Variants in WIPF1 observed in about 807,000 individuals in gnomAD.
The protein encoded by WIPF1 is WAS/WASL interacting protein family member 1.
WIPF1 carries 13 observed loss-of-function variants against 35.4 expected under a neutral mutation model. The ratio of observed to expected loss-of-function variants is 0.37; its 90% CI spans 0.24 to 0.58. The LOEUF is 0.58. Ranked by LOEUF, WIPF1 falls within the 20% of genes least tolerant of loss-of-function variation. The pLI is 0.74. For synonymous variants in WIPF1, 267 were observed against 266.3 expected (o/e 1.00, Z -0.02); for missense variants, 591 against 667.0 (o/e 0.89, Z 1.25).
At chr2:174,668,553 C>T (rs563546076) in intron 1 of WIPF1, among the ~76,000 whole-genome samples, 2 of 152,290 alleles carry the variant, frequency 1.3e-5, no homozygotes, top group South Asian at 4.1e-4. Flanking sequence ...AGATTTTCTT[C>T]CTCATTAAAG....
Position 174,571,770 on chromosome 2 carries a change from C to T in WIPF1, c.1035G>A (p.Thr345=), listed in dbSNP as rs1684851961. The T allele has an allele frequency of 1.9e-6, 3 of 1,614,108 alleles. No homozygotes were observed. The highest frequency in any genetic ancestry group is 2.5e-6 in the Non-Finnish European group (3 of 1,180,026). Residue 345 remains threonine, a synonymous_variant, in exon 5 of 8, where the codon ACG becomes ACA. Coordinates refer to ENST00000679041, the MANE Select transcript of WIPF1 (RefSeq NM_001375834.1). The surrounding 1 kb of genome is among the most constrained non-coding windows in gnomAD (Gnocchi z 4.6). ...AACGTCCTGGCGAAGGTAACGGGGGCGTGGACGAACTGAGGGACAGATTCC... is the reference window on the plus strand; with the variant it reads ...AACGTCCTGGCGAAGGTAACGGGGGTGTGGACGAACTGAGGGACAGATTCC... ...PQRNLSLSSS[T]PPLPSPGRSG...
chr2:174,570,998 A>C (rs528987675), intron 5 of WIPF1, among the ~76,000 whole-genome samples: 2 of 152,140 alleles, frequency 1.3e-5, no homozygotes, highest in South Asian at 2.1e-4. Flanking sequence ...AGGTTTCTCA[A>C]CTGTGGATGG....
intron 1 of WIPF1, among the ~76,000 whole-genome samples, chr2:174,659,877 C>T (rs1216289482): frequency 6.6e-6 from 1 of 152,176 alleles, no homozygotes; most frequent in African/African-American, 2.4e-5. Flanking sequence ...GCCTTTCCAC[C>T]GTGGCCTGGG....
chr2:174,652,798 AAAAAAAAAAC>A (rs1559173248), intron 1 of WIPF1, among the ~76,000 whole-genome samples: 1 of 151,854 alleles, frequency 6.6e-6, no homozygotes, highest in Admixed American at 6.6e-5. Flanking sequence ...ATTTAAAAAA[AAAAAAAAAAC>A]AAAAAAAAAC....
At chr2:174,567,440 G>A (rs1273481369) in intron 6 of WIPF1, among the ~76,000 whole-genome samples, 1 of 152,230 alleles carries the variant, frequency 6.6e-6, no homozygotes, top group African/African-American at 2.4e-5. Flanking sequence ...TAGGAGCTGG[G>A]GGCTAAGGTA....
At chr2:174,667,619 C>T (rs2105981756) in intron 1 of WIPF1, among the ~76,000 whole-genome samples, 1 of 152,320 alleles carries the variant, frequency 6.6e-6, no homozygotes, top group Admixed American at 6.5e-5. Context: ...GCGGCAAATC[C>T]TGCCTAGGTT....
In WIPF1 at chr2:174,562,493, T is replaced by G; in HGVS notation, c.*54A>C. The G allele has an allele frequency of 6.2e-7, 1 of 1,613,354 alleles. No homozygotes were observed. The highest frequency in any genetic ancestry group is 8.5e-7 in the Non-Finnish European group (1 of 1,179,780). ...AAGCAGGGAGGAGGGTATGCAGTTC[T>G]TAGATAGCAACAGAAGCAGCTCTTG... On this transcript the variant is annotated 3_prime_UTR_variant, in exon 8 of 8. Coordinates refer to ENST00000679041, the MANE Select transcript of WIPF1 (RefSeq NM_001375834.1).
At chr2:174,593,194 C>CT (rs780182443) in intron 1 of WIPF1, among the ~76,000 whole-genome samples, 1 of 151,906 alleles carries the variant, frequency 6.6e-6, no homozygotes, top group Non-Finnish European at 1.5e-5. Context: ...GATACATGTC[C>CT]TTCCAGCTTA....
intron 3 of WIPF1, among the ~76,000 whole-genome samples, chr2:174,575,734 T>A (rs1417017466): frequency 2.0e-5 from 3 of 152,054 alleles, no homozygotes; most frequent in Non-Finnish European, 4.4e-5. Context: ...CTCAGCACTT[T>A]GGGAGGCTGA....
At chr2:174,670,175 T>A (rs1687980974) in intron 1 of WIPF1, among the ~76,000 whole-genome samples, 2 of 152,062 alleles carry the variant, frequency 1.3e-5, no homozygotes, top group African/African-American at 4.8e-5. Flanking sequence ...GATTCCTTGC[T>A]TTTCACTCCC....
intron 1 of WIPF1, among the ~76,000 whole-genome samples, chr2:174,667,592 C>A (rs1396593601): frequency 1.3e-5 from 2 of 152,242 alleles, no homozygotes; most frequent in South Asian, 4.1e-4. Context: ...GGTCAACTTT[C>A]AGCTCTGATC....
rs16862757 is a variant in WIPF1, at chr2:174,622,978, C to T, written c.-38-37367G>A. The stretch of plus-strand genomic sequence containing the variant: ...TATGAATTATCTTAAAGCCCAAAGA[C>T]TTTAAGAAATAAGAGTTGGTAAATT... On this transcript the variant is annotated intron_variant, in intron 1 of 8. Transcript: ENST00000272746. The surrounding 1 kb of genome is among the most constrained non-coding windows in gnomAD (Gnocchi z 5.1). 0.065 allele frequency among the ~76,000 whole-genome samples: 9,911 copies of T among 152,086 alleles called. 462 individuals carry two copies. Among genetic ancestry groups the T allele is most frequent in the East Asian group, 0.23 (1,199 of 5,176 alleles).
intron 1 of WIPF1, among the ~76,000 whole-genome samples, chr2:174,586,558 C>G (rs140451368): frequency 6.6e-6 from 1 of 152,064 alleles, no homozygotes; most frequent in Non-Finnish European, 1.5e-5. Flanking sequence ...CCAGGAGAGA[C>G]GATGGCCAGG....
intron 1 of WIPF1, among the ~76,000 whole-genome samples, chr2:174,606,462 G>A (rs566458485): frequency 3.9e-5 from 6 of 152,260 alleles, no homozygotes. Context: ...AAGTGCTCCA[G>A]AGCCACTACC....
At chr2:174,568,975 T>TC (rs1684751012) in intron 5 of WIPF1, among the ~76,000 whole-genome samples, 1 of 152,202 alleles carries the variant, frequency 6.6e-6, no homozygotes. Flanking sequence ...ATCTTGCTTT[T>TC]CCTATCCTCC....
At chr2:174,602,995 C>T (rs1411115965) in intron 1 of WIPF1, among the ~76,000 whole-genome samples, 1 of 152,110 alleles carries the variant, frequency 6.6e-6, no homozygotes, top group Non-Finnish European at 1.5e-5. Context: ...TTCATTTGGC[C>T]CTAGAGACTT....
intron 1 of WIPF1, among the ~76,000 whole-genome samples, chr2:174,651,148 T>C: frequency 6.6e-6 from 1 of 152,230 alleles, no homozygotes; most frequent in Non-Finnish European, 1.5e-5. Flanking sequence ...CAAGTGGAAG[T>C]ACTAAGACTG....
intron 7 of WIPF1, among the ~76,000 whole-genome samples, chr2:174,563,003 A>C (rs1684530804): frequency 6.6e-6 from 1 of 152,122 alleles, no homozygotes; most frequent in Admixed American, 6.5e-5. Context: ...AAATAAGATC[A>C]TATAGTCAGT....
chr2:174,565,985 G>C (rs968875979), intron 7 of WIPF1, among the ~76,000 whole-genome samples: 1 of 152,146 alleles, frequency 6.6e-6, no homozygotes, highest in Non-Finnish European at 1.5e-5. Flanking sequence ...CCGGGTTCTA[G>C]TGATTCTCCT....
Sources: allele counts gnomAD v4.1 joint callset (sites outside exome capture counted in the v4.1 genomes callset), GRCh38; gene constraint gnomAD v4.1.1; non-coding constraint Gnocchi (gnomAD v3.1); transcripts MANE v1.5; gene names NCBI Gene and HGNC (gene_info 2026-07-23, HGNC 2026-07-21).